The following RBM12B variants were observed in gnomAD, a reference collection of about 807,000 sequenced individuals.
RBM12B encodes RNA-binding protein 12B.
In RBM12B, 10 loss-of-function variants were observed where a neutral mutation model predicts 34.3. That is an observed-to-expected ratio of 0.29 (90% confidence interval 0.18 to 0.49). RBM12B has a LOEUF of 0.49. Among genes scored for constraint, RBM12B ranks in the 20% least tolerant of loss-of-function variants. The pLI is 0.99. For synonymous variants in RBM12B, 477 were observed against 437.1 expected, an observed-to-expected ratio of 1.09 and a Z score of -1.14; for missense variants, 1,139 against 1,262.7, an observed-to-expected ratio of 0.90 and a Z score of 1.48.
rs1176523084 is a variant in RBM12B, at chr8:93,733,016, T to A, written c.*389A>T. 1.3e-5 allele frequency: 2 copies of A among 153,978 alleles called. No homozygotes were observed. The highest frequency in any genetic ancestry group is 2.9e-5 in the Non-Finnish European group (2 of 69,516). 9.5% of individuals were successfully genotyped at this position (153,978 alleles called of 1,614,324 possible). A position where few individuals can be genotyped will look rare whatever the true frequency, so the allele number is the denominator to read the frequency against. On this transcript the variant is annotated 3_prime_UTR_variant, in exon 4 of 4. Coordinates refer to ENST00000520560, the MANE Select transcript of RBM12B (RefSeq NM_001377960.1). Reference sequence around the variant, plus strand: ...CCTGAACAATCAGTCACTATTTCCTTATACAGTTTGAGTAAAAGAGGTAGA... The same window carrying A: ...CCTGAACAATCAGTCACTATTTCCTAATACAGTTTGAGTAAAAGAGGTAGA...
chr8:93,735,888 A>G lies in RBM12B; in HGVS notation c.523T>C (p.Phe175Leu). 1 of 1,614,136 alleles carries G rather than the reference A, an allele frequency of 6.2e-7. No individual in the cohort carries two copies. Among genetic ancestry groups the G allele is most frequent in the Non-Finnish European group, 8.5e-7 (1 of 1,180,032 alleles). The change falls in exon 4 of 4, where the codon TTC becomes CTC. Residue 175 changes from phenylalanine (F) to leucine (L), a missense_variant. Physicochemically the swap from Phe to Leu is conservative, Grantham distance 22. Coordinates refer to ENST00000520560, the MANE Select transcript of RBM12B (RefSeq NM_001377960.1). ...ACTCCATCCACGCACAAACCAGAGA[A>G]AAAGACACGTACATCATCTTCATTT... ...LVNEDDVRVFFSGLCVDGVIF... is the reference protein window; with the variant it reads ...LVNEDDVRVFLSGLCVDGVIF...
Position 93,728,361 on chromosome 8 carries a change from T to C in RBM12B, c.*5044A>G. On this transcript the variant is annotated 3_prime_UTR_variant, in exon 4 of 4. Coordinates refer to ENST00000520560, the MANE Select transcript of RBM12B (RefSeq NM_001377960.1). ...CCACAATGACTAAATTGTAGAACTTTATACTCACTTTGCTATGTTAAGCCT... is the reference window on the plus strand; with the variant it reads ...CCACAATGACTAAATTGTAGAACTTCATACTCACTTTGCTATGTTAAGCCT... 9.5e-7 allele frequency: 1 copy of C among 1,058,134 alleles called. No homozygotes were observed. Among genetic ancestry groups the C allele is most frequent in the Non-Finnish European group, 1.4e-6 (1 of 722,836 alleles). The allele number at this position is 1,058,134 out of a possible 1,614,324, so 65.5% of individuals were successfully genotyped here. A position where few individuals can be genotyped will look rare whatever the true frequency, so the allele number is the denominator to read the frequency against.
chr8:93,733,785 G>C lies in RBM12B; in HGVS notation c.2626C>G (p.Pro876Ala), dbSNP rs774374275. The C allele has an allele frequency of 6.2e-7, 1 of 1,614,114 alleles. No individual in the cohort carries two copies. The highest frequency in any genetic ancestry group is 1.1e-5 in the South Asian group (1 of 91,074). ...RPPGEDFRSPPDDFRSHRPFV... is the reference protein window; with the variant it reads ...RPPGEDFRSPADDFRSHRPFV... ...GGGCGGTGACTTCTAAAATCATCAG[G>C]CGGGCTCCTAAAATCCTCACCAGGA... The change falls in exon 4 of 4, where the codon CCT becomes GCT. Residue 876 changes from proline (P) to alanine (A), a missense_variant. This residue lies in a region of RBM12B where 863 missense variants were observed against 869.5 expected (regional missense o/e 0.99). Transcript: ENST00000520560.
rs890602578 is a variant in RBM12B, at chr8:93,735,228, T to C, written c.1183A>G (p.Asn395Asp). 14 of 1,613,960 alleles carry C rather than the reference T, an allele frequency of 8.7e-6. No homozygotes were observed. Among genetic ancestry groups the C allele is most frequent in the Non-Finnish European group, 1.2e-5 (14 of 1,180,046 alleles). The part of the protein sequence containing the change: ...HVSQKYSQEG[N>D]SGQKLCIYIR... The stretch of plus-strand genomic sequence containing the variant: ...TAGATGCACAGTTTCTGGCCAGAGT[T>C]ACCTTCTTGAGAGTATTTTTGTGAA... Residue 395 changes from asparagine to aspartate, a missense_variant, in exon 4 of 4, where the codon AAC becomes GAC. Asn to Asp is a conservative substitution (Grantham distance 23, BLOSUM62 1). This residue lies in a region of RBM12B where 863 missense variants were observed against 869.5 expected (regional missense o/e 0.99). Coordinates refer to ENST00000520560, the MANE Select transcript of RBM12B (RefSeq NM_001377960.1).
rs1812193307 is a variant in RBM12B, at chr8:93,740,966, T to C, written c.-231A>G. The C allele has an allele frequency of 1.6e-5, 3 of 191,188 alleles. No homozygotes were observed. In the South Asian group the frequency reaches 2.5e-4, roughly 16 times the overall value. The allele number at this position is 191,188 out of a possible 1,614,324, so 11.8% of individuals were successfully genotyped here. A position where few individuals can be genotyped will look rare whatever the true frequency, so the allele number is the denominator to read the frequency against. On this transcript the variant is annotated 5_prime_UTR_variant, in exon 1 of 4. Coordinates refer to ENST00000520560, the MANE Select transcript of RBM12B (RefSeq NM_001377960.1). ...CTCCCCAAAACAGGTAGACCCTCAG[T>C]GAGCCCAGAAGAAGATGGCGCCCAC...
In RBM12B at chr8:93,728,432, T is replaced by TA. The variant is rs1240718169; in HGVS notation, c.*4972dup. The TA allele has an allele frequency of 7.2e-6, 4 of 556,214 alleles. No homozygotes were observed. The highest frequency in any genetic ancestry group is 1.2e-5 in the Non-Finnish European group (4 of 322,734). 34.5% of individuals were successfully genotyped at this position (556,214 alleles called of 1,614,324 possible). A position where few individuals can be genotyped will look rare whatever the true frequency, so the allele number is the denominator to read the frequency against. ...AACAGAAAAATAATTAAAGGAAACT[T>TA]ATGCTGACCAAAAATGAAGGCTTTA... is the stretch of plus-strand genomic sequence containing the variant. On this transcript the variant is annotated 3_prime_UTR_variant, in exon 4 of 4. Coordinates refer to ENST00000520560, the MANE Select transcript of RBM12B (RefSeq NM_001377960.1).
rs1004225695 is a variant in RBM12B at position 93,740,691 on chromosome 8, T to A, written c.-140A>T. 25 of 362,014 alleles carry A rather than the reference T, an allele frequency of 6.9e-5. No homozygotes were observed. The highest frequency in any genetic ancestry group is 4.7e-4 in the African/African-American group (22 of 46,824). 22.4% of individuals were successfully genotyped at this position (362,014 alleles called of 1,614,324 possible). A position where few individuals can be genotyped will look rare whatever the true frequency, so the allele number is the denominator to read the frequency against. On this transcript the variant is annotated 5_prime_UTR_variant, in exon 2 of 4. It removes an upstream start codon present in the reference 5' UTR. Transcript: ENST00000520560. ...TGGGAAGCGCACATACACCACCACA[T>A]GGAAGCTGACGGGAAAGGAAGAGTC...
chr8:93,739,736 A>G (rs955575229), intron 2 of RBM12B, among the ~76,000 whole-genome samples: 6 of 152,256 alleles, frequency 3.9e-5, no homozygotes, highest in Admixed American at 2.0e-4. Flanking sequence ...TCATTTGAAG[A>G]CAATAATCTG....
chr8:93,734,246 T>G lies in RBM12B; in HGVS notation c.2165A>C (p.His722Pro). Residue 722 changes from histidine to proline, a missense_variant, in exon 4 of 4, where the codon CAT becomes CCT. Physicochemically the swap from His to Pro is moderately conservative, Grantham distance 77 (BLOSUM62 -2). This residue lies in a region of RBM12B where 863 missense variants were observed against 869.5 expected (regional missense o/e 0.99). Transcript: ENST00000520560. ...EEDFRQSPQEHFRRPPQEHFR... is the reference protein window; with the variant it reads ...EEDFRQSPQEPFRRPPQEHFR... ...ATGCTCCTGAGGTGGCCTCCGGAAA[T>G]GCTCCTGGGGTGACTGCCTGAAGTC... 1 of 1,610,034 alleles carries G rather than the reference T, an allele frequency of 6.2e-7. No individual in the cohort carries two copies. Among genetic ancestry groups the G allele is most frequent in the Non-Finnish European group, 8.5e-7 (1 of 1,178,016 alleles).
chr8:93,733,292 AAAAAT>A lies in RBM12B; in HGVS notation c.*108_*112del. On this transcript the variant is annotated 3_prime_UTR_variant, in exon 4 of 4. Transcript: ENST00000520560. Reference sequence around the variant, plus strand: ...TTTACATTTGTTCTATTCACAGGTCAAAAATAAAATATTTCATTAGATAATTTAAA... The same window carrying A: ...TTTACATTTGTTCTATTCACAGGTCAAAAATATTTCATTAGATAATTTAAA... 1.2e-6 allele frequency: 1 copy of A among 838,324 alleles called. No homozygotes were observed. The highest frequency in any genetic ancestry group is 1.7e-6 in the Non-Finnish European group (1 of 597,040). 51.9% of individuals were successfully genotyped at this position (838,324 alleles called of 1,614,324 possible). A position where few individuals can be genotyped will look rare whatever the true frequency, so the allele number is the denominator to read the frequency against.
Position 93,730,194 on chromosome 8 carries a change from G to T in RBM12B, c.*3211C>A, listed in dbSNP as rs1166976554. Reference sequence around the variant, plus strand: ...TTCATACATAATTATACATCATATAGTATCTAATACAGCTCAATAAACAAC... The same window carrying T: ...TTCATACATAATTATACATCATATATTATCTAATACAGCTCAATAAACAAC... On this transcript the variant is annotated 3_prime_UTR_variant, in exon 4 of 4. Transcript: ENST00000520560. The T allele has an allele frequency of 6.6e-6, 1 of 152,118 alleles. No homozygotes were observed. The highest frequency in any genetic ancestry group is 1.5e-5 in the Non-Finnish European group (1 of 68,018). 9.4% of individuals were successfully genotyped at this position (152,118 alleles called of 1,614,324 possible).
At chr8:93,736,784 T>C (rs1276463339) in intron 3 of RBM12B, among the ~76,000 whole-genome samples, 1 of 152,242 alleles carries the variant, frequency 6.6e-6, no homozygotes, top group African/African-American at 2.4e-5. Context: ...TATCTTCTAC[T>C]GAAACATGAG....
intron 2 of RBM12B, among the ~76,000 whole-genome samples, chr8:93,738,374 T>G (rs1315129858): frequency 6.6e-6 from 1 of 152,222 alleles, no homozygotes; most frequent in African/African-American, 2.4e-5. Context: ...AATGTAATTT[T>G]TTAAAGAAGT....
rs866886590 is a variant in RBM12B at position 93,728,434 on chromosome 8, T to A, written c.*4971A>T. The A allele has an allele frequency of 5.4e-6, 3 of 554,608 alleles. No homozygotes were observed. Among genetic ancestry groups the A allele is most frequent in the African/African-American group, 4.0e-5 (2 of 49,932 alleles). 34.4% of individuals were successfully genotyped at this position (554,608 alleles called of 1,614,324 possible). On this transcript the variant is annotated 3_prime_UTR_variant, in exon 4 of 4. Coordinates refer to ENST00000520560, the MANE Select transcript of RBM12B (RefSeq NM_001377960.1). ...CAGAAAAATAATTAAAGGAAACTTA[T>A]GCTGACCAAAAATGAAGGCTTTAAA...
In RBM12B at chr8:93,733,291, C is replaced by CA. The variant is rs1811854360; in HGVS notation, c.*113dup. 3.7e-6 allele frequency: 3 copies of CA among 821,418 alleles called. No individual in the cohort carries two copies. In the Admixed American group the frequency reaches 1.1e-4, roughly 30 times the overall value. The allele number at this position is 821,418 out of a possible 1,614,324, so 50.9% of individuals were successfully genotyped here. A position where few individuals can be genotyped will look rare whatever the true frequency, so the allele number is the denominator to read the frequency against. On this transcript the variant is annotated 3_prime_UTR_variant, in exon 4 of 4. Coordinates refer to ENST00000520560, the MANE Select transcript of RBM12B (RefSeq NM_001377960.1). ...ATTTACATTTGTTCTATTCACAGGT[C>CA]AAAAATAAAATATTTCATTAGATAA...
In RBM12B at chr8:93,734,030, T is replaced by C. The variant is rs747222686; in HGVS notation, c.2381A>G (p.His794Arg). ...ATCTTCCTCTCGGGAGCGCCTGAAA[T>C]GCTCCTGAGGCGGCCGCCTGAAATG... is the stretch of plus-strand genomic sequence containing the variant. Reference protein sequence around the residue: ...QEHFRRPPQEHFRRSREEDFR... With the variant: ...QEHFRRPPQERFRRSREEDFR... The change falls in exon 4 of 4, where the codon CAT becomes CGT. Residue 794 changes from histidine to arginine, a missense_variant. His to Arg is a conservative substitution (Grantham distance 29). Transcript: ENST00000520560. The C allele has an allele frequency of 6.2e-7, 1 of 1,603,438 alleles. No individual in the cohort carries two copies. Among genetic ancestry groups the C allele is most frequent in the Non-Finnish European group, 8.5e-7 (1 of 1,176,662 alleles).
At position 93,732,267 on chromosome 8, in the gene RBM12B, T is replaced by C. The variant is rs980756720; in HGVS notation, c.*1138A>G. On this transcript the variant is annotated 3_prime_UTR_variant, in exon 4 of 4. Coordinates refer to ENST00000520560, the MANE Select transcript of RBM12B (RefSeq NM_001377960.1). ...TAAAGTGCTTACAGTGCCTAGCACA[T>C]AGTAAGTGCCTAATAAATGTTAGCC... is the stretch of plus-strand genomic sequence containing the variant. The C allele has an allele frequency of 6.6e-6, 1 of 152,226 alleles. No individual in the cohort carries two copies. The highest frequency in any genetic ancestry group is 2.4e-5 in the African/African-American group (1 of 41,454). 9.4% of individuals were successfully genotyped at this position (152,226 alleles called of 1,614,324 possible).
At chr8:93,737,807 CAAAAAAAAAAAA>C (rs78204688) in intron 2 of RBM12B, among the ~76,000 whole-genome samples, 11 of 100,592 alleles carry the variant, frequency 1.1e-4, no homozygotes, top group Admixed American at 9.8e-5. Context: ...ACCCAAAGTT[CAAAAAAAAAAAA>C]AAAAAAAAAA....
In RBM12B at chr8:93,728,409, CAG is replaced by C; in HGVS notation, c.*4994_*4995del. Reference sequence around the variant, plus strand: ...CCTCAAAGTGAAGTCCAACTGGAAACAGAAAAATAATTAAAGGAAACTTATGC... The same window carrying C: ...CCTCAAAGTGAAGTCCAACTGGAAACAAAAATAATTAAAGGAAACTTATGC... On this transcript the variant is annotated 3_prime_UTR_variant, in exon 4 of 4. Transcript: ENST00000520560. The C allele has an allele frequency of 1.6e-6, 1 of 639,732 alleles. No homozygotes were observed. Among genetic ancestry groups the C allele is most frequent in the Admixed American group, 4.0e-5 (1 of 25,278 alleles). The allele number at this position is 639,732 out of a possible 1,614,324, so 39.6% of individuals were successfully genotyped here.
Sources: allele counts gnomAD v4.1 joint callset (sites outside exome capture counted in the v4.1 genomes callset), GRCh38; gene constraint gnomAD v4.1.1; regional missense constraint gnomAD v4.1.1; transcripts MANE v1.5; gene names NCBI Gene and HGNC (gene_info 2026-07-23, HGNC 2026-07-21).